The following CHMP3 variants were observed in gnomAD, a reference collection of about 807,000 sequenced individuals.
The protein encoded by CHMP3 is 25.1 protein.
In CHMP3, 8 loss-of-function variants were observed where a neutral mutation model predicts 27.4. The observed-to-expected ratio is 0.29, with a 90% CI of 0.17 to 0.53. CHMP3 has a LOEUF of 0.53. Among genes scored for constraint, CHMP3 ranks in the 20% least tolerant of loss-of-function variants. The pLI, the probability that CHMP3 is intolerant of heterozygous loss-of-function variation, is 0.96. For synonymous variants in CHMP3, 86 were observed against 85.5 expected, an observed-to-expected ratio of 1.01 and a Z score of -0.03; for missense variants, 208 against 271.5, an observed-to-expected ratio of 0.77 and a Z score of 1.64.
chr2:86,517,827 G>A (rs185076032), intron 3 of CHMP3, among the ~76,000 whole-genome samples: 11 of 152,074 alleles, frequency 7.2e-5, no homozygotes, highest in African/African-American at 2.2e-4. Flanking sequence ...ACAGGAGACC[G>A]AGACCAGCCT....
At chr2:86,554,229 T>C (rs1677026081) in intron 1 of CHMP3, among the ~76,000 whole-genome samples, 1 of 152,228 alleles carries the variant, frequency 6.6e-6, no homozygotes, top group African/African-American at 2.4e-5. Context: ...TAAATTTCTA[T>C]TGTTTATAAA....
chr2:86,514,453 A>AAAACTATC (rs1306723035), intron 3 of CHMP3, among the ~76,000 whole-genome samples: 1 of 152,234 alleles, frequency 6.6e-6, no homozygotes, highest in Non-Finnish European at 1.5e-5. Flanking sequence ...TTTAAAGTAT[A>AAAACTATC]AAACTATCCT....
intron 1 of CHMP3, among the ~76,000 whole-genome samples, chr2:86,554,803 A>ATGTG (rs202003852): frequency 2.4e-5 from 3 of 124,944 alleles, no homozygotes; most frequent in African/African-American, 5.7e-5. Context: ...AATAGAATAA[A>ATGTG]TGTGTGTGCG....
intron 1 of CHMP3, among the ~76,000 whole-genome samples, chr2:86,550,192 AG>A (rs992207779): frequency 1.8e-4 from 27 of 152,206 alleles, no homozygotes; most frequent in Non-Finnish European, 2.6e-4. Flanking sequence ...CCAGGTCAAC[AG>A]GGCAAAACCC....
intron 1 of CHMP3, among the ~76,000 whole-genome samples, chr2:86,544,482 G>A (rs1676485870): frequency 6.6e-6 from 1 of 152,046 alleles, no homozygotes; most frequent in Non-Finnish European, 1.5e-5. Flanking sequence ...CTAGGCAGAG[G>A]TCCCTGAGGC....
chr2:86,505,885 C>T lies in CHMP3; in HGVS notation c.588G>A (p.Ala196=), dbSNP rs140879959. 4.1e-4 allele frequency: 661 copies of T among 1,601,800 alleles called. 2 individuals carry two copies. Among genetic ancestry groups the T allele is most frequent in the Non-Finnish European group, 4.9e-4 (575 of 1,173,848 alleles). Residue 196 remains alanine, a synonymous_variant, in exon 6 of 6, where the codon GCG becomes GCA. Coordinates refer to ENST00000263856, the MANE Select transcript of CHMP3 (RefSeq NM_016079.4). ...DALPEPEPPG[A]MAASEDEEEE... is the part of the protein sequence containing the mutation. Reference sequence around the variant, plus strand: ...CCTCCTCATCCTCTGAGGCAGCCATCGCTCCTGGAGGTTCTGGCTCTGGAA... The same window carrying T: ...CCTCCTCATCCTCTGAGGCAGCCATTGCTCCTGGAGGTTCTGGCTCTGGAA...
At chr2:86,539,696 G>A (rs1438211062) in intron 2 of CHMP3, among the ~76,000 whole-genome samples, 3 of 152,016 alleles carry the variant, frequency 2.0e-5, no homozygotes, top group African/African-American at 7.2e-5. Context: ...ACCTCTACAT[G>A]TTACAAGCCC....
At position 86,538,996 on chromosome 2, in the gene CHMP3, C is replaced by T. The variant is rs138456653; in HGVS notation, c.106+3256G>A. ...ACGAACATGCCACAAGGCCCCCTTA[C>T]GTTACCTTTAATCCACCATTCCCCC... On this transcript the variant is annotated intron_variant, in intron 2 of 5. Transcript: ENST00000263856. 3.1e-3 allele frequency among the ~76,000 whole-genome samples: 475 copies of T among 152,302 alleles called. 2 individuals are homozygous for T. The highest frequency in any genetic ancestry group is 0.01 in the Middle Eastern group (3 of 294).
At chr2:86,550,684 C>T (rs1277485176) in intron 1 of CHMP3, among the ~76,000 whole-genome samples, 1 of 152,114 alleles carries the variant, frequency 6.6e-6, no homozygotes, top group Non-Finnish European at 1.5e-5. Flanking sequence ...AGTCAGCCCA[C>T]TATATCCATG....
chr2:86,531,852 T>G (rs1462541781), intron 2 of CHMP3, among the ~76,000 whole-genome samples: 2 of 152,236 alleles, frequency 1.3e-5, no homozygotes, highest in Non-Finnish European at 2.9e-5. Context: ...ATTGATTTTA[T>G]CTCTGTAGCT....
chr2:86,563,287 G>A lies in CHMP3; in HGVS notation c.45+17C>T. On this transcript the variant is annotated intron_variant, in intron 1 of 5. Transcript: ENST00000263856. ...ACACAGATCCACCCGCTTATCTGCC[G>A]CCGCCGTAGCCCTTACCAGTTCTTT... is the stretch of plus-strand genomic sequence containing the variant. 2 of 1,613,476 alleles carry A rather than the reference G, an allele frequency of 1.2e-6. No individual in the cohort carries two copies. Among genetic ancestry groups the A allele is most frequent in the Non-Finnish European group, 1.7e-6 (2 of 1,179,594 alleles).
chr2:86,534,796 T>G (rs2103961848), intron 2 of CHMP3, among the ~76,000 whole-genome samples: 3 of 152,360 alleles, frequency 2.0e-5, no homozygotes, highest in Admixed American at 2.0e-4. Context: ...TTATTTACTA[T>G]GTCCACAAAA....
chr2:86,544,076 GTTTA>G (rs752482130), intron 1 of CHMP3, among the ~76,000 whole-genome samples: 1 of 152,164 alleles, frequency 6.6e-6, no homozygotes, highest in Non-Finnish European at 1.5e-5. Flanking sequence ...TTCGTTTCTG[GTTTA>G]TTTAACATGA....
At position 86,529,198 on chromosome 2, in the gene CHMP3, T is replaced by C. The variant is rs1553405642; in HGVS notation, c.286+20A>G. 2.5e-6 allele frequency: 4 copies of C among 1,575,696 alleles called. No individual in the cohort carries two copies. Among genetic ancestry groups the C allele is most frequent in the Non-Finnish European group, 3.4e-6 (4 of 1,163,456 alleles). ...CAACCCCGGCATTATGAGGTGACTG[T>C]AAGGTAAGTGCAGCCTTACCGAGCT... On this transcript the variant is annotated intron_variant, in intron 3 of 5. Coordinates refer to ENST00000263856, the MANE Select transcript of CHMP3 (RefSeq NM_016079.4).
Position 86,504,248 on chromosome 2 carries a change from C to T in CHMP3, c.*1556G>A, listed in dbSNP as rs1361060963. The T allele has an allele frequency of 2.0e-5, 3 of 151,990 alleles. No homozygotes were observed. Among genetic ancestry groups the T allele is most frequent in the African/African-American group, 7.2e-5 (3 of 41,384 alleles). The allele number at this position is 151,990 out of a possible 1,614,324, so 9.4% of individuals were successfully genotyped here. A position where few individuals can be genotyped will look rare whatever the true frequency, so the allele number is the denominator to read the frequency against. ...AGTGAATCTTCATGTAAACTATGGA[C>T]TTTGGGTGATAATGATGTGTCAATG... On this transcript the variant is annotated 3_prime_UTR_variant, in exon 6 of 6. Transcript: ENST00000263856.
chr2:86,551,745 G>C (rs72932380), intron 1 of CHMP3, among the ~76,000 whole-genome samples: 29,304 of 152,172 alleles, frequency 0.19, 3,700 homozygotes, highest in African/African-American at 0.35. Flanking sequence ...TCACTGCCCT[G>C]GTAGCTTTCA....
chr2:86,509,295 A>G (rs1177264766), intron 4 of CHMP3, among the ~76,000 whole-genome samples: 1 of 152,174 alleles, frequency 6.6e-6, no homozygotes, highest in Non-Finnish European at 1.5e-5. Context: ...GTGATCACCA[A>G]CTTGGGGGCA....
intron 1 of CHMP3, among the ~76,000 whole-genome samples, chr2:86,550,014 G>A (rs1231385931): frequency 1.3e-5 from 2 of 152,248 alleles, no homozygotes; most frequent in Non-Finnish European, 2.9e-5. Context: ...CACTTTGGGA[G>A]GCCAAGGCAG....
chr2:86,510,524 T>C (rs373615452), intron 3 of CHMP3, 45 bp from the exon 4 acceptor site: 16 of 1,598,474 alleles, frequency 1.0e-5, no homozygotes, highest in African/African-American at 1.3e-5. Flanking sequence ...CAGGATGGAA[T>C]AGAGAGAGAC....
Sources: gnomAD v4.1 joint callset for allele counts (sites outside exome capture counted in the v4.1 genomes callset) on GRCh38, gnomAD v4.1.1 for gene constraint, MANE v1.5 for transcripts, NCBI Gene and HGNC (gene_info 2026-07-23, HGNC 2026-07-21) for gene names.